The following ALPK1 variants were observed in gnomAD, a reference collection of about 807,000 sequenced individuals.
ALPK1 encodes the protein alpha kinase 1.
In ALPK1, 110 loss-of-function variants were observed where a neutral mutation model predicts 120.6. The ratio of observed to expected loss-of-function variants is 0.91; its 90% CI spans 0.78 to 1.07. The LOEUF is 1.07. Ranked by LOEUF, ALPK1 falls within the 50% of genes least tolerant of loss-of-function variation. The pLI is 0.00. For synonymous variants in ALPK1, 582 were observed against 560.3 expected (o/e 1.04, Z -0.55); for missense variants, 1,498 against 1,483.9 (o/e 1.01, Z -0.16).
At chr4:112,433,294 A>G (rs1320760863) in intron 11 of ALPK1, among the ~76,000 whole-genome samples, 2 of 152,188 alleles carry the variant, frequency 1.3e-5, no homozygotes, top group Non-Finnish European at 2.9e-5. Context: ...TTTCTGGTTC[A>G]TTGACAGCGC....
rs547406485 is a variant in ALPK1 at position 112,309,481 on chromosome 4, G to A, written c.-152-6320G>A. Among the ~76,000 whole-genome samples the A allele has an allele frequency of 4.9e-4, 75 of 152,228 alleles. 1 individual carries two copies. The highest frequency in any genetic ancestry group is 1.6e-3 in the African/African-American group (66 of 41,486). ...CCTCCCCCAGCCTCGCTGCCACCCT[G>A]CAGTTCGATCTCAGACTGCTGTGCT... On this transcript the variant is annotated intron_variant, in intron 1 of 15. Coordinates refer to ENST00000650871, the MANE Select transcript of ALPK1 (RefSeq NM_025144.4).
chr4:112,344,470 T>C (rs1342557374), intron 2 of ALPK1, among the ~76,000 whole-genome samples: 1 of 152,206 alleles, frequency 6.6e-6, no homozygotes, highest in African/African-American at 2.4e-5. Context: ...TAGAAATTGA[T>C]TCATCAGTAA....
At chr4:112,423,867 C>T in intron 5 of ALPK1, 77 bp from the exon 6 acceptor site, 1 of 1,442,682 alleles carries the variant, frequency 6.9e-7, no homozygotes, top group East Asian at 2.3e-5. Flanking sequence ...ATATATCAGT[C>T]TTAGAACATG....
rs1159618565 is a variant in ALPK1, at chr4:112,377,857, A to T, written c.80A>T (p.Asp27Val). ...VLDQLLLEAP[D>V]VSEEDKSEDQ... ...GATCAGCTCTTGTTGGAAGCGCCAG[A>T]TGTGTCGGAAGAGGACAAGAGCGAG... The change falls in exon 3 of 16, where the codon GAT (aspartate) becomes GTT (valine). Residue 27 changes from aspartate (D) to valine (V), a missense_variant. Asp to Val is a radical substitution (Grantham distance 152). Coordinates refer to ENST00000650871, the MANE Select transcript of ALPK1 (RefSeq NM_025144.4). 4 of 1,613,544 alleles carry T rather than the reference A, an allele frequency of 2.5e-6. No homozygotes were observed. Among genetic ancestry groups the T allele is most frequent in the Non-Finnish European group, 3.4e-6 (4 of 1,179,662 alleles).
intron 3 of ALPK1, among the ~76,000 whole-genome samples, 197 bp downstream of exon 3, chr4:112,378,095 A>G (rs1175279272): frequency 6.6e-6 from 1 of 151,950 alleles, no homozygotes; most frequent in Non-Finnish European, 1.5e-5. Context: ...ACTTTGTTGC[A>G]CTGAATTGCT....
chr4:112,411,286 T>G (rs1733442963), intron 4 of ALPK1, among the ~76,000 whole-genome samples: 1 of 152,174 alleles, frequency 6.6e-6, no homozygotes, highest in South Asian at 2.1e-4. Flanking sequence ...GTACAGTGGC[T>G]GGATCTCGGC....
intron 2 of ALPK1, among the ~76,000 whole-genome samples, chr4:112,369,599 T>C (rs565728400): frequency 1.3e-5 from 2 of 152,268 alleles, no homozygotes; most frequent in East Asian, 3.9e-4. Context: ...CAAGAATCGC[T>C]TGAACCCAGG....
intron 2 of ALPK1, among the ~76,000 whole-genome samples, chr4:112,376,748 T>A (rs1370324339): frequency 6.6e-6 from 1 of 152,236 alleles, no homozygotes; most frequent in African/African-American, 2.4e-5. Context: ...CTTTCTTCCC[T>A]TTCAGACTCT....
chr4:112,334,510 C>T (rs896465568), intron 2 of ALPK1, among the ~76,000 whole-genome samples: 13 of 151,736 alleles, frequency 8.6e-5, no homozygotes, highest in Middle Eastern at 3.4e-3. Flanking sequence ...AAGCTTTGTT[C>T]AGGGCCAAGT....
intron 2 of ALPK1, among the ~76,000 whole-genome samples, chr4:112,342,806 G>GAC (rs1729916191): frequency 6.6e-6 from 1 of 152,188 alleles, no homozygotes; most frequent in Admixed American, 6.5e-5. Context: ...GAGACACAAA[G>GAC]ACATTAAGCA....
chr4:112,399,436 G>A (rs1732809293), intron 4 of ALPK1, among the ~76,000 whole-genome samples: 1 of 151,830 alleles, frequency 6.6e-6, no homozygotes, highest in Non-Finnish European at 1.5e-5. Flanking sequence ...TGTTGGGGAT[G>A]AGAATTATAG....
intron 1 of ALPK1, among the ~76,000 whole-genome samples, chr4:112,313,605 C>G (rs1000943425): frequency 6.6e-6 from 1 of 152,158 alleles, no homozygotes; most frequent in Admixed American, 6.5e-5. Flanking sequence ...TGCCTGTAAT[C>G]CCAGCTACTT....
At chr4:112,310,760 T>A (rs2110531318) in intron 1 of ALPK1, among the ~76,000 whole-genome samples, 1 of 152,218 alleles carries the variant, frequency 6.6e-6, no homozygotes, top group East Asian at 1.9e-4. Context: ...TCCTTAAGTT[T>A]TTTTTGATAA....
chr4:112,357,661 A>T, intron 2 of ALPK1: 1 of 1,606,966 alleles, frequency 6.2e-7, no homozygotes, highest in Non-Finnish European at 8.5e-7. Context: ...CTGGGTGGGG[A>T]TCATCCCCAG....
At chr4:112,325,101 A>G (rs1729054723) in intron 2 of ALPK1, among the ~76,000 whole-genome samples, 1 of 152,186 alleles carries the variant, frequency 6.6e-6, no homozygotes. Flanking sequence ...TTATAATAAA[A>G]TATCTAAGCA....
intron 2 of ALPK1, among the ~76,000 whole-genome samples, chr4:112,344,924 C>G (rs1224027672): frequency 3.3e-5 from 5 of 152,218 alleles, no homozygotes; most frequent in Non-Finnish European, 7.4e-5. Flanking sequence ...TAATTTGGTT[C>G]AAAACCTCTA....
chr4:112,342,245 C>T (rs1268281774), intron 2 of ALPK1, among the ~76,000 whole-genome samples: 1 of 152,124 alleles, frequency 6.6e-6, no homozygotes, highest in Non-Finnish European at 1.5e-5. Context: ...TTAAACAACA[C>T]CTAGGACAAA....
In ALPK1 at chr4:112,329,275, GA is replaced by G. The variant is rs532167004; in HGVS notation, c.-101+13428del. On this transcript the variant is annotated intron_variant, in intron 2 of 15. Coordinates refer to ENST00000650871, the MANE Select transcript of ALPK1 (RefSeq NM_025144.4). ...AGACAAACATTATTCCTAAACAATA[GA>G]AAAAGAGAAAAGCTGAGTAGATTGT... is the stretch of plus-strand genomic sequence containing the variant. Among the ~76,000 whole-genome samples the G allele has an allele frequency of 1.2e-3, 176 of 152,264 alleles. 1 individual carries two copies. The highest frequency in any genetic ancestry group is 4.2e-3 in the African/African-American group (173 of 41,550).
At position 112,435,268 on chromosome 4, in the gene ALPK1, TTCA is replaced by T; in HGVS notation, c.3161_3163del (p.His1054del). 1 of 1,610,996 alleles carries T rather than the reference TTCA, an allele frequency of 6.2e-7. No homozygotes were observed. The highest frequency in any genetic ancestry group is 8.5e-7 in the Non-Finnish European group (1 of 1,179,258). On this transcript the variant is annotated inframe_deletion, in exon 12 of 16. Coordinates refer to ENST00000650871, the MANE Select transcript of ALPK1 (RefSeq NM_025144.4). ...GGCAGACAAAGAAATGCTTTTTGGG[TTCA>T]TCATCTTCATCAAGAAGAAATTCTG...
Sources: allele counts gnomAD v4.1 joint callset (sites outside exome capture counted in the v4.1 genomes callset), GRCh38; gene constraint gnomAD v4.1.1; transcripts MANE v1.5; gene names NCBI Gene and HGNC (gene_info 2026-07-23, HGNC 2026-07-21).